Variants in WDPCP observed in about 807,000 individuals in gnomAD.
WDPCP encodes WD repeat-containing and planar cell polarity effector protein fritz homolog.
WDPCP carries 71 observed loss-of-function variants against 93.1 expected under a neutral mutation model. The observed-to-expected ratio is 0.76, with a 90% CI of 0.63 to 0.93. WDPCP has a LOEUF of 0.93. Ranked by LOEUF, WDPCP falls within the 40% of genes least tolerant of loss-of-function variation. The probability of loss-of-function intolerance (pLI) is 0.00; values close to 1 mark genes in which losing one functional copy is unlikely to be tolerated. For missense variants in WDPCP, 844 were observed against 887.4 expected (o/e 0.95, Z 0.62); for synonymous variants, 315 against 315.0 (o/e 1.00, Z 0.00).
intron 13 of WDPCP, among the ~76,000 whole-genome samples, chr2:63,299,351 C>T (rs1196094558): frequency 6.6e-6 from 1 of 152,156 alleles, no homozygotes; most frequent in Non-Finnish European, 1.5e-5. Flanking sequence ...TGTCTAGTTG[C>T]AAGGATTGCA....
intron 13 of WDPCP, among the ~76,000 whole-genome samples, chr2:63,276,299 G>A (rs972098169): frequency 1.3e-5 from 2 of 152,056 alleles, no homozygotes; most frequent in Admixed American, 6.5e-5. Context: ...AACAATTCTG[G>A]TAATATGATA....
At chr2:63,359,573 C>G (rs1690282023) in intron 12 of WDPCP, among the ~76,000 whole-genome samples, 1 of 152,168 alleles carries the variant, frequency 6.6e-6, no homozygotes, top group Non-Finnish European at 1.5e-5. Flanking sequence ...CACAGACATT[C>G]TGGAAAACAG....
At chr2:63,643,699 G>T in intron 3 of WDPCP, 1 of 491,830 alleles carries the variant, frequency 2.0e-6, no homozygotes, top group Non-Finnish European at 4.1e-6. Flanking sequence ...AGCCTCCTCA[G>T]ATGTAATATG....
intron 2 of WDPCP, among the ~76,000 whole-genome samples, chr2:63,661,430 A>G (rs988043888): frequency 3.9e-5 from 6 of 152,214 alleles, no homozygotes; most frequent in Non-Finnish European, 7.3e-5. Flanking sequence ...AAACTTTTTG[A>G]AGGCTAGGAC....
intron 13 of WDPCP, among the ~76,000 whole-genome samples, chr2:63,296,535 C>A (rs1684871489): frequency 6.6e-6 from 1 of 152,082 alleles, no homozygotes; most frequent in African/African-American, 2.4e-5. Context: ...TGATCTTATA[C>A]CAAGAAAATC....
chr2:63,139,443 G>A (rs1670899615), intron 17 of WDPCP, among the ~76,000 whole-genome samples: 1 of 152,216 alleles, frequency 6.6e-6, no homozygotes, highest in African/African-American at 2.4e-5. Flanking sequence ...CCCACCAGCA[G>A]TGTAGAAGTG....
chr2:63,793,671 A>T (rs908559715), intron 2 of WDPCP, among the ~76,000 whole-genome samples: 2 of 152,176 alleles, frequency 1.3e-5, no homozygotes, highest in Non-Finnish European at 1.5e-5. Context: ...CAAATCTATG[A>T]TCTTAATAGC....
rs11887719 is a variant in WDPCP at position 63,153,163 on chromosome 2, T to C, written c.2159-218A>G. ...CTACCTTGCATTACAGTATTTACTA[T>C]GTACAGTATATACTATAGTATATAC... On this transcript the variant is annotated intron_variant, in intron 16 of 17. Coordinates refer to ENST00000272321, the MANE Select transcript of WDPCP (RefSeq NM_015910.7). 5.8e-4 allele frequency: 344 copies of C among 591,388 alleles called. 1 individual carries two copies. The highest frequency in any genetic ancestry group is 5.2e-3 in the African/African-American group (279 of 53,762). The allele number at this position is 591,388 out of a possible 1,614,324, so 36.6% of individuals were successfully genotyped here.
intron 2 of WDPCP, among the ~76,000 whole-genome samples, chr2:63,785,628 T>G (rs1369793104): frequency 6.6e-6 from 1 of 152,192 alleles, no homozygotes; most frequent in African/African-American, 2.4e-5. Context: ...ATTCTATATT[T>G]TATTGTTGTT....
At chr2:63,661,859 T>G (rs1350716655) in intron 2 of WDPCP, among the ~76,000 whole-genome samples, 1 of 152,140 alleles carries the variant, frequency 6.6e-6, no homozygotes, top group Admixed American at 6.5e-5. Flanking sequence ...AGGACCTTGA[T>G]GAATGGAAGT....
chr2:63,316,633 A>G (rs982164374), intron 12 of WDPCP, among the ~76,000 whole-genome samples: 4 of 152,118 alleles, frequency 2.6e-5, no homozygotes, highest in African/African-American at 9.7e-5. Context: ...AGCCTGGGCA[A>G]GAGAGTGAGT....
chr2:63,737,404 A>G (rs186133516), intron 2 of WDPCP, among the ~76,000 whole-genome samples: 1 of 152,318 alleles, frequency 6.6e-6, no homozygotes, highest in Non-Finnish European at 1.5e-5. Context: ...TATATTACAG[A>G]CACTTTGGGG....
At chr2:63,662,666 A>AGC (rs1242701109) in intron 2 of WDPCP, among the ~76,000 whole-genome samples, 2 of 148,840 alleles carry the variant, frequency 1.3e-5, no homozygotes, top group Non-Finnish European at 3.0e-5. Flanking sequence ...AGAGAGAGAG[A>AGC]GCTTATCTTT....
At chr2:63,666,251 G>C (rs1363552824) in intron 2 of WDPCP, among the ~76,000 whole-genome samples, 1 of 152,142 alleles carries the variant, frequency 6.6e-6, no homozygotes. Context: ...TCTGCCTGGA[G>C]ATACTCTTCT....
chr2:63,571,113 G>C (rs200558910), intron 1 of WDPCP, among the ~76,000 whole-genome samples: 1 of 151,714 alleles, frequency 6.6e-6, no homozygotes, highest in Non-Finnish European at 1.5e-5. Context: ...GGGTTTCACC[G>C]TGTTAGCCAG....
At chr2:63,291,808 CA>C (rs58542222) in intron 13 of WDPCP, among the ~76,000 whole-genome samples, 105,707 of 132,988 alleles carry the variant, frequency 0.79, 41,303 homozygotes, top group East Asian at 0.94. Context: ...GATTCTCTTA[CA>C]AAAAAAAAAA....
chr2:63,805,928 G>A (rs1345749165), intron 2 of WDPCP, among the ~76,000 whole-genome samples: 4 of 151,944 alleles, frequency 2.6e-5, no homozygotes, highest in African/African-American at 7.3e-5. Flanking sequence ...GAGACCAGCC[G>A]GGGCAACATG....
intron 2 of WDPCP, among the ~76,000 whole-genome samples, chr2:63,743,377 G>C (rs768213232): frequency 1.3e-5 from 2 of 152,032 alleles, no homozygotes; most frequent in Non-Finnish European, 2.9e-5. Context: ...GCCACCTGAT[G>C]CTGCCAGGGA....
intron 6 of WDPCP, among the ~76,000 whole-genome samples, chr2:63,482,410 A>AT (rs1472377180): frequency 6.6e-6 from 1 of 151,976 alleles, no homozygotes; most frequent in African/African-American, 2.4e-5. Flanking sequence ...CTCTGGAACC[A>AT]CCATACTGGA....
Sources: allele counts gnomAD v4.1 joint callset (sites outside exome capture counted in the v4.1 genomes callset), GRCh38; gene constraint gnomAD v4.1.1; transcripts MANE v1.5; gene names NCBI Gene and HGNC (gene_info 2026-07-23, HGNC 2026-07-21).